The following PDE3A variants were observed in gnomAD, a reference collection of about 807,000 sequenced individuals.
PDE3A encodes cGMP-inhibited 3',5'-cyclic phosphodiesterase 3A.
In PDE3A, 43 loss-of-function variants were observed where a neutral mutation model predicts 98.3. The observed-to-expected ratio is 0.44, with a 90% CI of 0.34 to 0.56. The LOEUF is 0.56. PDE3A is among the 20% of genes least tolerant of loss of function. The pLI is 0.01. For synonymous variants in PDE3A, 663 were observed against 567.9 expected, an observed-to-expected ratio of 1.17 and a Z score of -2.38; for missense variants, 1,427 against 1,440.7, an observed-to-expected ratio of 0.99 and a Z score of 0.15.
intron 1 of PDE3A, among the ~76,000 whole-genome samples, chr12:20,426,574 G>A (rs1944605238): frequency 1.3e-5 from 2 of 152,110 alleles, no homozygotes; most frequent in Admixed American, 6.6e-5. Flanking sequence ...GAGAAATGGA[G>A]GAAGTGGGAC....
At chr12:20,591,101 A>T (rs902938496) in intron 2 of PDE3A, among the ~76,000 whole-genome samples, 1 of 152,260 alleles carries the variant, frequency 6.6e-6, no homozygotes, top group Non-Finnish European at 1.5e-5. Context: ...TGCAGGTGAT[A>T]GTCCTTTCTG....
chr12:20,571,640 T>C (rs1296472286), intron 2 of PDE3A, among the ~76,000 whole-genome samples: 3 of 152,282 alleles, frequency 2.0e-5, no homozygotes, highest in South Asian at 2.1e-4. Flanking sequence ...TCAAATATCC[T>C]GTACTCTGGG....
intron 1 of PDE3A, among the ~76,000 whole-genome samples, chr12:20,434,590 G>A (rs1488138836): frequency 6.6e-6 from 1 of 152,100 alleles, no homozygotes; most frequent in Non-Finnish European, 1.5e-5. Flanking sequence ...TAGTGGCAGG[G>A]ACGGGGAAAG....
chr12:20,542,967 C>CT (rs1387477986), intron 1 of PDE3A, among the ~76,000 whole-genome samples: 1 of 151,778 alleles, frequency 6.6e-6, no homozygotes, highest in African/African-American at 2.4e-5. Context: ...TAAATGAGGC[C>CT]TTTATTTTAT....
intron 2 of PDE3A, among the ~76,000 whole-genome samples, chr12:20,612,348 GAT>G (rs1943879646): frequency 6.6e-6 from 1 of 150,510 alleles, no homozygotes. Flanking sequence ...TCTCTGTTTG[GAT>G]ATGTTTTATC....
chr12:20,541,075 C>CTTTTTTTTTT lies in PDE3A; in HGVS notation c.961-15555_961-15546dup, dbSNP rs777927679. ...AATTGACAAGGACATTGGTAACTTT[C>CTTTTTTTTTT]TTTTTTTTTTTTTTTTTTTTTTTTT... is the stretch of plus-strand genomic sequence containing the variant. On this transcript the variant is annotated intron_variant, in intron 1 of 15. Coordinates refer to ENST00000359062, the MANE Select transcript of PDE3A (RefSeq NM_000921.5). 2.3e-4 allele frequency among the ~76,000 whole-genome samples: 12 copies of CTTTTTTTTTT among 52,986 alleles called. 1 individual carries two copies. The highest frequency in any genetic ancestry group is 4.1e-4 in the African/African-American group (6 of 14,706). 34.8% of individuals were successfully genotyped at this position (52,986 alleles called of 152,430 possible). A position where few individuals can be genotyped will look rare whatever the true frequency, so the allele number is the denominator to read the frequency against.
intron 1 of PDE3A, among the ~76,000 whole-genome samples, chr12:20,435,702 C>T (rs1944769009): frequency 6.6e-6 from 1 of 152,174 alleles, no homozygotes; most frequent in South Asian, 2.1e-4. Context: ...TCTATTTGCT[C>T]TGCTTAACTC....
intron 2 of PDE3A, among the ~76,000 whole-genome samples, chr12:20,589,830 C>T (rs2121372187): frequency 7.0e-6 from 1 of 142,852 alleles, no homozygotes; most frequent in Admixed American, 7.3e-5. Flanking sequence ...GATCGTGCCA[C>T]TGCACTCCAG....
chr12:20,668,556 G>A (rs1046884859), intron 15 of PDE3A, among the ~76,000 whole-genome samples: 2 of 152,202 alleles, frequency 1.3e-5, no homozygotes, highest in Non-Finnish European at 2.9e-5. Context: ...CCCCTGAGCA[G>A]CCTAACTGGG....
At position 20,563,694 on chromosome 12, in the gene PDE3A, GTTTAAAT is replaced by G. The variant is rs372350783; in HGVS notation, c.1011+6988_1011+6994del. Among the ~76,000 whole-genome samples, 50 of 152,200 alleles carry G rather than the reference GTTTAAAT, an allele frequency of 3.3e-4. 1 individual carries two copies. The highest frequency in any genetic ancestry group is 3.4e-3 in the Middle Eastern group (1 of 294). On this transcript the variant is annotated intron_variant, in intron 2 of 15. Coordinates refer to ENST00000359062, the MANE Select transcript of PDE3A (RefSeq NM_000921.5). ...GTTTGCTTGTTGTTTTGAGAAATTT[GTTTAAAT>G]TTTGCTTATACTAACGGGGACCACA...
At chr12:20,640,909 T>G (rs1389272452) in intron 10 of PDE3A, among the ~76,000 whole-genome samples, 1 of 152,122 alleles carries the variant, frequency 6.6e-6, no homozygotes, top group Non-Finnish European at 1.5e-5. Flanking sequence ...TAAATCATAT[T>G]TTAGCTTTTA....
chr12:20,581,325 G>C (rs1396885614), intron 2 of PDE3A, among the ~76,000 whole-genome samples: 1 of 152,070 alleles, frequency 6.6e-6, no homozygotes, highest in African/African-American at 2.4e-5. Context: ...TTTTGGTTTT[G>C]GTTTTGTTTT....
intron 1 of PDE3A, among the ~76,000 whole-genome samples, chr12:20,419,355 C>A (rs528923871): frequency 1.3e-5 from 2 of 151,718 alleles, no homozygotes; most frequent in African/African-American, 4.8e-5. Context: ...TGCAGTGGTA[C>A]GATCATAGCT....
chr12:20,368,853 C>T lies in PDE3A; in HGVS notation c.-432C>T, dbSNP rs138474439. Among the ~76,000 whole-genome samples, 2,379 of 152,070 alleles carry T rather than the reference C, an allele frequency of 0.016. 66 individuals carry two copies. Among genetic ancestry groups the T allele is most frequent in the African/African-American group, 0.055 (2,270 of 41,492 alleles). ...GCCTCGGAATGGCCCGGAGCCCGCCCTGCGCCCCCGGCTCCTCCAGCGTCA... is the reference window on the plus strand; with the variant it reads ...GCCTCGGAATGGCCCGGAGCCCGCCTTGCGCCCCCGGCTCCTCCAGCGTCA... On this transcript the variant is annotated 5_prime_UTR_variant, in exon 1 of 16. Coordinates refer to ENST00000359062, the MANE Select transcript of PDE3A (RefSeq NM_000921.5).
At chr12:20,572,232 G>A in intron 2 of PDE3A, 1 of 637,304 alleles carries the variant, frequency 1.6e-6, no homozygotes, top group Non-Finnish European at 2.3e-6. Context: ...GAGAAGGACA[G>A]TTGAAAGCCT....
At chr12:20,462,945 AT>A (rs1187349965) in intron 1 of PDE3A, among the ~76,000 whole-genome samples, 1 of 151,650 alleles carries the variant, frequency 6.6e-6, no homozygotes, top group South Asian at 2.1e-4. Flanking sequence ...CTAATTTTTA[AT>A]TTTTTTGTAG....
intron 8 of PDE3A, 101 bp downstream of exon 8, chr12:20,635,157 A>C: frequency 9.2e-7 from 1 of 1,082,226 alleles, no homozygotes; most frequent in Non-Finnish European, 1.3e-6. Context: ...AAGGTGGCTC[A>C]CACCTGTAAT....
chr12:20,374,347 A>C (rs1050779376), intron 1 of PDE3A, among the ~76,000 whole-genome samples: 1 of 152,120 alleles, frequency 6.6e-6, no homozygotes, highest in Non-Finnish European at 1.5e-5. Flanking sequence ...TGAAAACAGT[A>C]ATTTTACTCT....
intron 1 of PDE3A, among the ~76,000 whole-genome samples, chr12:20,496,321 G>A (rs1235219431): frequency 6.6e-6 from 1 of 152,144 alleles, no homozygotes; most frequent in East Asian, 1.9e-4. Flanking sequence ...TGCCATTGTG[G>A]TATAAGTGGA....
Sources: allele counts gnomAD v4.1 joint callset (sites outside exome capture counted in the v4.1 genomes callset), GRCh38; gene constraint gnomAD v4.1.1; transcripts MANE v1.5; gene names NCBI Gene and HGNC (gene_info 2026-07-23, HGNC 2026-07-21).